TAFA1: variants seen among roughly 807,000 people sequenced by gnomAD.
TAFA1 encodes TAFA chemokine like family member 1.
A neutral mutation model predicts 18.5 loss-of-function variants in TAFA1; 4 were observed. The observed-to-expected ratio is 0.22, with a 90% confidence interval of 0.11 to 0.49. The LOEUF is 0.49. Among genes scored for constraint, TAFA1 ranks in the 20% least tolerant of loss-of-function variants. TAFA1 has a pLI of 0.98. For synonymous variants in TAFA1, 56 were observed against 55.2 expected (o/e 1.01, Z -0.06); for missense variants, 147 against 169.0 (o/e 0.87, Z 0.72).
intron 3 of TAFA1, among the ~76,000 whole-genome samples, chr3:68,501,078 C>A (rs560011489): frequency 6.7e-6 from 1 of 148,548 alleles, no homozygotes; most frequent in Non-Finnish European, 1.5e-5. Context: ...TCACTTGAAT[C>A]CAGGAGGAAG....
chr3:68,483,431 G>T (rs2072273830), intron 3 of TAFA1, among the ~76,000 whole-genome samples: 1 of 152,134 alleles, frequency 6.6e-6, no homozygotes, highest in Non-Finnish European at 1.5e-5. Context: ...AATCCATTCA[G>T]CAAATATTTA....
chr3:68,515,208 A>G (rs1373209892), intron 3 of TAFA1, among the ~76,000 whole-genome samples: 1 of 152,128 alleles, frequency 6.6e-6, no homozygotes, highest in Non-Finnish European at 1.5e-5. Flanking sequence ...CCCAGAAATA[A>G]GAGTCTAAAA....
intron 2 of TAFA1, among the ~76,000 whole-genome samples, chr3:68,248,649 C>G (rs893805971): frequency 2.7e-5 from 4 of 149,658 alleles, no homozygotes; most frequent in Non-Finnish European, 5.9e-5. Flanking sequence ...GCTGGGGAAT[C>G]TGGGAATGGC....
chr3:68,442,843 A>G (rs1279197703), intron 3 of TAFA1, among the ~76,000 whole-genome samples: 2 of 152,194 alleles, frequency 1.3e-5, no homozygotes, highest in Non-Finnish European at 2.9e-5. Context: ...GTTTCTCTCC[A>G]TCAGATAGCT....
chr3:68,520,097 T>C (rs1227368200), intron 3 of TAFA1, among the ~76,000 whole-genome samples: 2 of 152,204 alleles, frequency 1.3e-5, no homozygotes, highest in African/African-American at 4.8e-5. Flanking sequence ...TTGTTTTTTT[T>C]CTTTGGGAAA....
intron 2 of TAFA1, among the ~76,000 whole-genome samples, chr3:68,011,794 T>C (rs914299698): frequency 3.9e-5 from 6 of 152,220 alleles, no homozygotes; most frequent in Non-Finnish European, 8.8e-5. Context: ...ATCATCTGAT[T>C]GATCCTATTG....
At chr3:68,460,836 A>G (rs539934632) in intron 3 of TAFA1, among the ~76,000 whole-genome samples, 6 of 152,354 alleles carry the variant, frequency 3.9e-5, no homozygotes, top group African/African-American at 1.4e-4. Flanking sequence ...TGGGGATCAC[A>G]CATAGGGAAC....
At chr3:68,251,692 G>C (rs2067199869) in intron 2 of TAFA1, among the ~76,000 whole-genome samples, 1 of 152,176 alleles carries the variant, frequency 6.6e-6, no homozygotes, top group African/African-American at 2.4e-5. Context: ...CAAAGGTCCT[G>C]AGGCAGAAAC....
At chr3:68,023,793 A>G (rs1320157309) in intron 2 of TAFA1, among the ~76,000 whole-genome samples, 1 of 152,192 alleles carries the variant, frequency 6.6e-6, no homozygotes, top group Non-Finnish European at 1.5e-5. Flanking sequence ...TTTTATTTAC[A>G]TATAGCTGAC....
At chr3:68,448,315 T>A (rs2071506814) in intron 3 of TAFA1, among the ~76,000 whole-genome samples, 1 of 152,190 alleles carries the variant, frequency 6.6e-6, no homozygotes, top group African/African-American at 2.4e-5. Context: ...TTCAAAATAT[T>A]TTTAGATGTA....
intron 3 of TAFA1, among the ~76,000 whole-genome samples, chr3:68,458,010 C>T (rs1049694816): frequency 3.9e-5 from 6 of 152,122 alleles, no homozygotes; most frequent in Non-Finnish European, 7.4e-5. Flanking sequence ...TTTTAATGAT[C>T]TGGTGATATG....
intron 2 of TAFA1, among the ~76,000 whole-genome samples, chr3:68,224,067 TG>T (rs141302085): frequency 0.014 from 2,076 of 151,598 alleles, 55 homozygotes; most frequent in African/African-American, 0.047. Flanking sequence ...TAGTATTTGG[TG>T]GGGGTGGGTT....
intron 2 of TAFA1, among the ~76,000 whole-genome samples, chr3:68,384,517 A>G (rs531517645): frequency 7.9e-5 from 12 of 152,114 alleles, no homozygotes; most frequent in South Asian, 4.1e-4. Context: ...TCATTGTGCT[A>G]TGGTCAGAAA....
chr3:68,475,524 G>A (rs1232861985), intron 3 of TAFA1, among the ~76,000 whole-genome samples: 4 of 152,186 alleles, frequency 2.6e-5, no homozygotes, highest in Non-Finnish European at 5.9e-5. Flanking sequence ...ATTCCATGGT[G>A]TATATGTGCC....
intron 2 of TAFA1, among the ~76,000 whole-genome samples, chr3:68,388,472 T>A (rs2070154358): frequency 6.6e-6 from 1 of 152,196 alleles, no homozygotes; most frequent in African/African-American, 2.4e-5. Context: ...TCTATATTTT[T>A]GCATTTTTTC....
intron 2 of TAFA1, among the ~76,000 whole-genome samples, chr3:68,359,103 C>T (rs541682489): frequency 6.6e-6 from 1 of 152,148 alleles, no homozygotes; most frequent in Non-Finnish European, 1.5e-5. Flanking sequence ...GGCCAGATAT[C>T]ATATTATTTA....
At chr3:68,277,235 A>C (rs2107247525) in intron 2 of TAFA1, among the ~76,000 whole-genome samples, 1 of 152,316 alleles carries the variant, frequency 6.6e-6, no homozygotes, top group East Asian at 1.9e-4. Context: ...TTTGGCTGGC[A>C]ATCGTTTGGC....
chr3:68,262,582 C>T (rs1207146805), intron 2 of TAFA1, among the ~76,000 whole-genome samples: 1 of 151,936 alleles, frequency 6.6e-6, no homozygotes, highest in East Asian at 1.9e-4. Flanking sequence ...TGGCCTCCAG[C>T]TCCATCATGT....
chr3:68,338,040 G>T (rs966631925), intron 2 of TAFA1, among the ~76,000 whole-genome samples: 1 of 152,184 alleles, frequency 6.6e-6, no homozygotes, highest in Non-Finnish European at 1.5e-5. Flanking sequence ...GTTGGAGTTC[G>T]TTTAAAGATG....
Sources: allele counts gnomAD v4.1 joint callset (sites outside exome capture counted in the v4.1 genomes callset), GRCh38; gene constraint gnomAD v4.1.1; transcripts MANE v1.5; gene names NCBI Gene and HGNC (gene_info 2026-07-23, HGNC 2026-07-21).